The following TTC28 variants were observed in gnomAD, a reference collection of about 807,000 sequenced individuals.
TTC28 encodes the protein tetratricopeptide repeat domain 28.
In TTC28, 61 loss-of-function variants were observed where a neutral mutation model predicts 198.0. The ratio of observed to expected loss-of-function variants is 0.31; its 90% CI spans 0.25 to 0.38. The LOEUF (loss-of-function observed/expected upper bound fraction) is 0.38. Ranked by LOEUF, TTC28 falls within the 10% of genes least tolerant of loss-of-function variation. The pLI, the probability that TTC28 is intolerant of heterozygous loss-of-function variation, is 1.00. For missense variants in TTC28, 2,678 were observed against 3,164.0 expected (o/e 0.85, Z 3.69); for synonymous variants, 1,171 against 1,297.8 (o/e 0.90, Z 2.10).
chr22:28,380,585 G>T (rs2046479424), intron 2 of TTC28, among the ~76,000 whole-genome samples: 1 of 152,098 alleles, frequency 6.6e-6, no homozygotes, highest in African/African-American at 2.4e-5. Flanking sequence ...TTATGCTGAT[G>T]AATAATAATT....
At chr22:28,155,772 T>G (rs1318414675) in intron 6 of TTC28, among the ~76,000 whole-genome samples, 1 of 152,208 alleles carries the variant, frequency 6.6e-6, no homozygotes, top group African/African-American at 2.4e-5. Context: ...AAATCAGACA[T>G]GTCTGTAATC....
At chr22:28,525,692 C>T (rs1320844284) in intron 2 of TTC28, among the ~76,000 whole-genome samples, 1 of 152,120 alleles carries the variant, frequency 6.6e-6, no homozygotes, top group African/African-American at 2.4e-5. Flanking sequence ...GGAGTCTGTG[C>T]AGGTGCCACA....
intron 12 of TTC28, among the ~76,000 whole-genome samples, chr22:28,084,161 T>G (rs962515292): frequency 4.0e-5 from 6 of 151,850 alleles, no homozygotes; most frequent in African/African-American, 1.5e-4. Context: ...CTGAAGAGAG[T>G]AGTAGTTCTC....
At chr22:28,326,628 A>C (rs2045533879) in intron 2 of TTC28, among the ~76,000 whole-genome samples, 1 of 152,184 alleles carries the variant, frequency 6.6e-6, no homozygotes, top group African/African-American at 2.4e-5. Context: ...GTGAGAACAA[A>C]AGACAGATAC....
At chr22:27,986,956 G>T (rs562295553) in intron 21 of TTC28, among the ~76,000 whole-genome samples, 1 of 152,304 alleles carries the variant, frequency 6.6e-6, no homozygotes, top group South Asian at 2.1e-4. Flanking sequence ...TTACCAAAAT[G>T]ATTTAAATGG....
At chr22:28,532,025 C>T (rs1478304663) in intron 2 of TTC28, among the ~76,000 whole-genome samples, 5 of 152,096 alleles carry the variant, frequency 3.3e-5, no homozygotes, top group African/African-American at 1.2e-4. Context: ...CAAACACGTG[C>T]AAAAGCTAGC....
rs1034086297 is a variant in TTC28 at position 28,468,009 on chromosome 22, G to A, written c.382-161366C>T. 5.3e-5 allele frequency among the ~76,000 whole-genome samples: 8 copies of A among 151,892 alleles called. No individual in the cohort carries two copies. In the East Asian group the frequency reaches 1.2e-3, roughly 22 times the overall value. ...TGGTCTCAAACTCCTGGGCTCAAGC[G>A]ATCTGCCTGCCTCAGTCTCCCAAAG... On this transcript the variant is annotated intron_variant, in intron 2 of 22. Transcript: ENST00000397906.
intron 5 of TTC28, among the ~76,000 whole-genome samples, chr22:28,265,986 A>C (rs1040220951): frequency 2.4e-4 from 36 of 151,876 alleles, no homozygotes; most frequent in African/African-American, 8.7e-4. Flanking sequence ...TCAAGACCAG[A>C]CTGGCTAACA....
At chr22:28,326,846 A>G (rs188598453) in intron 2 of TTC28, among the ~76,000 whole-genome samples, 14 of 152,264 alleles carry the variant, frequency 9.2e-5, no homozygotes, top group African/African-American at 2.9e-4. Flanking sequence ...AAATCAAGCA[A>G]TAAGTATATA....
intron 2 of TTC28, among the ~76,000 whole-genome samples, chr22:28,388,692 G>A (rs2046659996): frequency 6.6e-6 from 1 of 152,176 alleles, no homozygotes; most frequent in Non-Finnish European, 1.5e-5. Context: ...CATTGATTTT[G>A]TATCCTGAGA....
At chr22:28,609,174 C>G (rs534828780) in intron 2 of TTC28, among the ~76,000 whole-genome samples, 2 of 152,040 alleles carry the variant, frequency 1.3e-5, no homozygotes, top group African/African-American at 4.8e-5. Flanking sequence ...TAAGGGAAAA[C>G]GTGAGCAATA....
intron 2 of TTC28, among the ~76,000 whole-genome samples, chr22:28,520,822 G>C (rs375726772): frequency 6.6e-6 from 1 of 152,046 alleles, no homozygotes; most frequent in East Asian, 1.9e-4. Context: ...GGAGGCTGAG[G>C]CGGGCAGATC....
chr22:28,329,738 G>C (rs1379458817), intron 2 of TTC28, among the ~76,000 whole-genome samples: 2 of 152,026 alleles, frequency 1.3e-5, no homozygotes, highest in Non-Finnish European at 2.9e-5. Context: ...GGACCAATCT[G>C]GGCATAAACC....
intron 12 of TTC28, among the ~76,000 whole-genome samples, chr22:28,079,595 G>A (rs916031263): frequency 3.9e-5 from 6 of 152,106 alleles, no homozygotes; most frequent in African/African-American, 1.4e-4. Context: ...TGTGAAATAA[G>A]CCAATCACAC....
At chr22:28,587,851 T>C (rs936792925) in intron 2 of TTC28, among the ~76,000 whole-genome samples, 1 of 152,108 alleles carries the variant, frequency 6.6e-6, no homozygotes, top group Non-Finnish European at 1.5e-5. Flanking sequence ...AAAAACATGC[T>C]GTTATTATGG....
Position 28,075,322 on chromosome 22 carries a change from T to C in TTC28, c.3932+18758A>G, listed in dbSNP as rs182783612. On this transcript the variant is annotated intron_variant, in intron 12 of 22. Coordinates refer to ENST00000397906, the MANE Select transcript of TTC28 (RefSeq NM_001145418.2). ...TCAGGGGCACAAGACGAGTCTACAG[T>C]GTGTCCACTCATTCCTGCAACTGCG... Among the ~76,000 whole-genome samples the C allele has an allele frequency of 1.3e-3, 200 of 152,214 alleles. 1 individual carries two copies. Among genetic ancestry groups the C allele is most frequent in the Non-Finnish European group, 2.4e-3 (164 of 68,004 alleles).
At chr22:28,340,132 G>T (rs527535082) in intron 2 of TTC28, among the ~76,000 whole-genome samples, 1 of 152,138 alleles carries the variant, frequency 6.6e-6, no homozygotes, top group South Asian at 2.1e-4. Context: ...AGGGAATAAG[G>T]AACAAACCTT....
intron 2 of TTC28, among the ~76,000 whole-genome samples, chr22:28,607,164 C>T (rs958514676): frequency 5.9e-5 from 9 of 152,160 alleles, no homozygotes; most frequent in African/African-American, 1.9e-4. Context: ...CACATTTTTT[C>T]ACAACTTTCC....
Position 28,019,973 on chromosome 22 carries a change from T to C in TTC28, c.4074-5581A>G, listed in dbSNP as rs530610753. The stretch of plus-strand genomic sequence containing the variant: ...GGCCTGCCACGGCGGCCTCACCGGC[T>C]CAGGGCCTGTGAGGTTACTCCTCCT... On this transcript the variant is annotated intron_variant, in intron 13 of 22. Transcript: ENST00000397906. 2.9e-3 allele frequency among the ~76,000 whole-genome samples: 439 copies of C among 152,282 alleles called. 2 individuals carry two copies. Among genetic ancestry groups the C allele is most frequent in the African/African-American group, 0.01 (417 of 41,550 alleles).
Sources: gnomAD v4.1 joint callset for allele counts (sites outside exome capture counted in the v4.1 genomes callset) on GRCh38, gnomAD v4.1.1 for gene constraint, MANE v1.5 for transcripts, NCBI Gene and HGNC (gene_info 2026-07-23, HGNC 2026-07-21) for gene names.